Variants in DISC1 observed in about 807,000 individuals in gnomAD.
DISC1 encodes disrupted in schizophrenia 1 protein.
DISC1 carries 57 observed loss-of-function variants against 84.5 expected under a neutral mutation model. The ratio of observed to expected loss-of-function variants is 0.67; its 90% CI spans 0.55 to 0.84. The LOEUF (loss-of-function observed/expected upper bound fraction) is 0.84. Among genes scored for constraint, DISC1 ranks in the 40% least tolerant of loss-of-function variants. The probability of loss-of-function intolerance (pLI) is 0.00; values close to 1 mark genes in which losing one functional copy is unlikely to be tolerated. For synonymous variants in DISC1, 411 were observed against 415.2 expected (o/e 0.99, Z 0.12); for missense variants, 1,000 against 1,057.8 (o/e 0.95, Z 0.76).
chr1:231,665,836 A>G (rs2125411140), intron 1 of DISC1, among the ~76,000 whole-genome samples: 1 of 152,200 alleles, frequency 6.6e-6, no homozygotes, highest in East Asian at 1.9e-4. Context: ...CCTCCTGATG[A>G]TTTCTGAACT....
At chr1:231,689,328 T>A (rs1977797) in intron 1 of DISC1, among the ~76,000 whole-genome samples, 57,205 of 148,784 alleles carry the variant, frequency 0.38, 11,191 homozygotes, top group African/African-American at 0.49. Context: ...CCCACGTGTC[T>A]TTTTTTTTTG....
At chr1:231,900,370 A>G (rs2088066617) in intron 9 of DISC1, among the ~76,000 whole-genome samples, 1 of 152,252 alleles carries the variant, frequency 6.6e-6, no homozygotes, top group Non-Finnish European at 1.5e-5. Flanking sequence ...CAGTGGGTGC[A>G]GTTAGAAAAA....
chr1:231,764,694 G>C (rs1039289860), intron 4 of DISC1, among the ~76,000 whole-genome samples: 86 of 152,100 alleles, frequency 5.7e-4, no homozygotes, highest in African/African-American at 2.0e-3. Context: ...CCTGATTTTT[G>C]TAGCCGATCT....
Position 232,040,172 on chromosome 1 carries a change from A to G in DISC1, c.*3341A>G, listed in dbSNP as rs1344968697. The G allele has an allele frequency of 1.3e-5, 2 of 152,086 alleles. No homozygotes were observed. Among genetic ancestry groups the G allele is most frequent in the South Asian group, 2.1e-4 (1 of 4,806 alleles). 9.4% of individuals were successfully genotyped at this position (152,086 alleles called of 1,614,324 possible). On this transcript the variant is annotated 3_prime_UTR_variant, in exon 13 of 13. Coordinates refer to ENST00000439617, the MANE Select transcript of DISC1 (RefSeq NM_018662.3). ...GGGCCCTGATGATTTTTGTATTTTTAGTAGAGACAGGGCTTCACCATGTTG... is the reference window on the plus strand; with the variant it reads ...GGGCCCTGATGATTTTTGTATTTTTGGTAGAGACAGGGCTTCACCATGTTG...
At position 232,038,323 on chromosome 1, in the gene DISC1, G is replaced by A. The variant is rs937726549; in HGVS notation, c.*1492G>A. ...CTTTGGCCCAGCTGGGACTCCTATT[G>A]AGACAGCTGCAAAACAGGCTGATTT... On this transcript the variant is annotated 3_prime_UTR_variant, in exon 13 of 13. Coordinates refer to ENST00000439617, the MANE Select transcript of DISC1 (RefSeq NM_018662.3). 2 of 152,194 alleles carry A rather than the reference G, an allele frequency of 1.3e-5. No individual in the cohort carries two copies. The highest frequency in any genetic ancestry group is 2.4e-5 in the African/African-American group (1 of 41,440). 9.4% of individuals were successfully genotyped at this position (152,194 alleles called of 1,614,324 possible). A position where few individuals can be genotyped will look rare whatever the true frequency, so the allele number is the denominator to read the frequency against.
rs1485695974 is a variant in DISC1, at chr1:232,037,340, T to G, written c.*509T>G. 1 of 152,222 alleles carries G rather than the reference T, an allele frequency of 6.6e-6. No individual in the cohort carries two copies. The allele number at this position is 152,222 out of a possible 1,614,324, so 9.4% of individuals were successfully genotyped here. A position where few individuals can be genotyped will look rare whatever the true frequency, so the allele number is the denominator to read the frequency against. ...AACCTCAGAGTCTGGAGTTAACAGCTTTTCACCTTACTTCTCCTGTGATCT... is the reference window on the plus strand; with the variant it reads ...AACCTCAGAGTCTGGAGTTAACAGCGTTTCACCTTACTTCTCCTGTGATCT... On this transcript the variant is annotated 3_prime_UTR_variant, in exon 13 of 13. Coordinates refer to ENST00000439617, the MANE Select transcript of DISC1 (RefSeq NM_018662.3).
chr1:231,684,845 T>C (rs2064067316), intron 1 of DISC1: 1 of 152,212 alleles, frequency 6.6e-6, no homozygotes, highest in South Asian at 2.1e-4. Flanking sequence ...CTTTGGGTGA[T>C]CAGGAGGCTG....
chr1:231,857,904 T>C (rs1344639600), intron 9 of DISC1, among the ~76,000 whole-genome samples: 1 of 152,192 alleles, frequency 6.6e-6, no homozygotes, highest in Non-Finnish European at 1.5e-5. Flanking sequence ...CCTAAGTGCC[T>C]GCCACCACCC....
intron 9 of DISC1, among the ~76,000 whole-genome samples, chr1:231,942,592 G>A (rs4658965): frequency 0.27 from 41,830 of 152,132 alleles, 6,599 homozygotes; most frequent in East Asian, 0.74. Flanking sequence ...TTGGACCTGG[G>A]AGGCAGAGGT....
chr1:231,874,649 C>A (rs1003745090), intron 9 of DISC1, among the ~76,000 whole-genome samples: 4 of 151,742 alleles, frequency 2.6e-5, no homozygotes. Flanking sequence ...TGGTGGCTCA[C>A]GCCTGTAATC....
intron 6 of DISC1, among the ~76,000 whole-genome samples, chr1:231,780,577 T>C (rs1573762476): frequency 7.6e-6 from 1 of 131,972 alleles, no homozygotes; most frequent in African/African-American, 2.9e-5. Flanking sequence ...GTAAACTAGT[T>C]CAACCATTGT....
At chr1:231,879,534 A>T (rs2086140520) in intron 9 of DISC1, among the ~76,000 whole-genome samples, 1 of 151,834 alleles carries the variant, frequency 6.6e-6, no homozygotes, top group African/African-American at 2.4e-5. Flanking sequence ...AAGAGGCAGG[A>T]GTGCCTGGAA....
chr1:231,942,075 G>A (rs1158230851), intron 9 of DISC1, among the ~76,000 whole-genome samples: 1 of 152,140 alleles, frequency 6.6e-6, no homozygotes, highest in African/African-American at 2.4e-5. Flanking sequence ...GTAACCAGGG[G>A]ATGAGGGAAA....
intron 3 of DISC1, among the ~76,000 whole-genome samples, chr1:231,745,915 T>C (rs1176800192): frequency 6.6e-6 from 1 of 152,158 alleles, no homozygotes; most frequent in African/African-American, 2.4e-5. Flanking sequence ...GAGTTTTCAC[T>C]CTGTTAGTTC....
intron 3 of DISC1, among the ~76,000 whole-genome samples, chr1:231,721,599 G>A (rs1009010434): frequency 1.7e-4 from 25 of 149,174 alleles, no homozygotes; most frequent in African/African-American, 6.1e-4. Context: ...TGGGGTTGCT[G>A]ATATTTACAG....
At chr1:231,829,050 C>T (rs201670891) in intron 9 of DISC1, among the ~76,000 whole-genome samples, 14 of 152,028 alleles carry the variant, frequency 9.2e-5, no homozygotes, top group Non-Finnish European at 1.8e-4. Flanking sequence ...CATAACAGTC[C>T]AAGGATCAAT....
At chr1:231,701,773 A>G (rs148970463) in intron 2 of DISC1, among the ~76,000 whole-genome samples, 182 bp from the exon 3 acceptor site, 2 of 151,960 alleles carry the variant, frequency 1.3e-5, no homozygotes, top group Admixed American at 6.5e-5. Flanking sequence ...TTCTTTACAT[A>G]GATTTTTTTT....
At chr1:231,809,621 G>A (rs1179140560) in intron 8 of DISC1, among the ~76,000 whole-genome samples, 2 of 149,742 alleles carry the variant, frequency 1.3e-5, no homozygotes, top group East Asian at 2.0e-4. Flanking sequence ...GCACACAATT[G>A]TATTTTAATG....
intron 6 of DISC1, among the ~76,000 whole-genome samples, chr1:231,777,401 TA>T (rs977006096): frequency 1.6e-4 from 25 of 152,232 alleles, no homozygotes; most frequent in Non-Finnish European, 2.2e-4. Flanking sequence ...TTTAATTTTT[TA>T]TAGAGATGGG....
Sources: allele counts gnomAD v4.1 joint callset (sites outside exome capture counted in the v4.1 genomes callset), GRCh38; gene constraint gnomAD v4.1.1; transcripts MANE v1.5; gene names NCBI Gene and HGNC (gene_info 2026-07-23, HGNC 2026-07-21).